The following PDE1A variants were observed in gnomAD, a reference collection of about 807,000 sequenced individuals.
PDE1A encodes the protein phosphodiesterase 1A.
In PDE1A, 35 loss-of-function variants were observed where a neutral mutation model predicts 61.7. The ratio of observed to expected loss-of-function variants is 0.57; its 90% CI spans 0.43 to 0.75. The LOEUF is 0.75. PDE1A is among the 30% of genes least tolerant of loss of function. The pLI, the probability that PDE1A is intolerant of heterozygous loss-of-function variation, is 0.00. For missense variants in PDE1A, 597 were observed against 630.6 expected (o/e 0.95, Z 0.57); for synonymous variants, 232 against 213.2 (o/e 1.09, Z -0.77).
At chr2:182,153,900 G>A (rs1690927845) in intron 13 of PDE1A, among the ~76,000 whole-genome samples, 1 of 152,104 alleles carries the variant, frequency 6.6e-6, no homozygotes, top group African/African-American at 2.4e-5. Flanking sequence ...TTACTTAATG[G>A]GTATAATGTA....
intron 13 of PDE1A, chr2:182,168,369 A>G (rs1384422081): frequency 7.8e-7 from 1 of 1,282,822 alleles, no homozygotes; most frequent in East Asian, 2.4e-5. Flanking sequence ...AGTAATTCTC[A>G]TTTATAATCA....
the PDE1A span, among the ~76,000 whole-genome samples, chr2:182,669,990 A>G: frequency 2.0e-5 from 3 of 152,210 alleles, no homozygotes; most frequent in Admixed American, 6.5e-5. Context: ...GCAGGTCATT[A>G]AGGGATGATG....
chr2:182,673,845 C>A, the PDE1A span, among the ~76,000 whole-genome samples: 1 of 151,618 alleles, frequency 6.6e-6, no homozygotes. Flanking sequence ...TTATACAAAT[C>A]AGCTCCTCTG....
chr2:182,169,938 ACTCTCC>A (rs1559132570), intron 13 of PDE1A, among the ~76,000 whole-genome samples: 1 of 92,686 alleles, frequency 1.1e-5, no homozygotes, highest in Non-Finnish European at 2.3e-5. Context: ...ACACACACAC[ACTCTCC>A]CTCTCTCTCT....
At chr2:182,686,682 G>C in the PDE1A span, among the ~76,000 whole-genome samples, 1 of 152,214 alleles carries the variant, frequency 6.6e-6, no homozygotes, top group African/African-American at 2.4e-5. Context: ...GACAGTGCAT[G>C]CAGGACAGTG....
chr2:182,550,354 T>C, the PDE1A span, among the ~76,000 whole-genome samples: 1 of 152,190 alleles, frequency 6.6e-6, no homozygotes, highest in Non-Finnish European at 1.5e-5. Context: ...TATTTGGTTA[T>C]TACAGCTGTA....
chr2:182,238,326 A>G (rs1310305211), intron 3 of PDE1A, among the ~76,000 whole-genome samples: 3 of 151,930 alleles, frequency 2.0e-5, no homozygotes, highest in Non-Finnish European at 2.9e-5. Flanking sequence ...TTTATATCCT[A>G]AAAACATCAC....
chr2:182,371,842 T>C (rs143910224), intron 1 of PDE1A, among the ~76,000 whole-genome samples: 1,906 of 152,346 alleles, frequency 0.013, 24 homozygotes, highest in South Asian at 0.048. Context: ...TGGAGTGCAG[T>C]GATGCCATCT....
intron 1 of PDE1A, among the ~76,000 whole-genome samples, chr2:182,388,813 A>C (rs2125373637): frequency 6.6e-6 from 1 of 152,164 alleles, no homozygotes; most frequent in South Asian, 2.1e-4. Context: ...ATCAGAACAA[A>C]AATGAAATAA....
chr2:182,452,801 A>G (rs1320289653), intron 2 of PDE1A, among the ~76,000 whole-genome samples: 4 of 152,144 alleles, frequency 2.6e-5, no homozygotes, highest in African/African-American at 9.7e-5. Flanking sequence ...AAGCCCTGCA[A>G]TGCCAGTGGT....
At chr2:182,715,656 C>A in the PDE1A span, among the ~76,000 whole-genome samples, 2 of 152,136 alleles carry the variant, frequency 1.3e-5, no homozygotes, top group Admixed American at 1.3e-4. Flanking sequence ...GAGAGAACAA[C>A]GATAACTCCC....
At chr2:182,648,715 A>T in the PDE1A span, among the ~76,000 whole-genome samples, 2 of 151,486 alleles carry the variant, frequency 1.3e-5, no homozygotes, top group Non-Finnish European at 2.9e-5. Context: ...AAAAAAAAAA[A>T]AAAAAATTCA....
At chr2:182,178,784 C>T (rs1398548850) in intron 13 of PDE1A, among the ~76,000 whole-genome samples, 1 of 151,892 alleles carries the variant, frequency 6.6e-6, no homozygotes, top group Non-Finnish European at 1.5e-5. Flanking sequence ...CTGAGAAGTA[C>T]AATGAGAAGG....
chr2:182,252,486 T>C (rs542731926), intron 2 of PDE1A, among the ~76,000 whole-genome samples: 7 of 152,056 alleles, frequency 4.6e-5, no homozygotes, highest in African/African-American at 1.4e-4. Flanking sequence ...GAAAAGATAA[T>C]AGAAGAATAT....
intron 2 of PDE1A, among the ~76,000 whole-genome samples, chr2:182,248,266 A>G (rs918278287): frequency 1.3e-5 from 2 of 151,116 alleles, no homozygotes; most frequent in African/African-American, 2.5e-5. Context: ...AAAAAAAAAA[A>G]AAGAAAAAAG....
At chr2:182,666,784 T>C in the PDE1A span, among the ~76,000 whole-genome samples, 1 of 152,212 alleles carries the variant, frequency 6.6e-6, no homozygotes, top group Non-Finnish European at 1.5e-5. Flanking sequence ...GTCTATCACC[T>C]GGCCACCATA....
chr2:182,332,618 T>A (rs1028645310), intron 1 of PDE1A, among the ~76,000 whole-genome samples: 1 of 152,176 alleles, frequency 6.6e-6, no homozygotes, highest in Non-Finnish European at 1.5e-5. Flanking sequence ...GCAGGTCTGC[T>A]GGAGTTTGCT....
intron 2 of PDE1A, among the ~76,000 whole-genome samples, chr2:182,240,641 G>A (rs1166549502): frequency 6.6e-6 from 1 of 152,150 alleles, no homozygotes; most frequent in Non-Finnish European, 1.5e-5. Context: ...TTCATAAACA[G>A]ATGTCTGCTA....
At chr2:182,426,504 C>T in intron 1 of PDE1A, 74 bp downstream of exon 1, 2 of 1,077,838 alleles carry the variant, frequency 1.9e-6, no homozygotes, top group Non-Finnish European at 2.9e-6. Context: ...TGGCAGAATC[C>T]CCAAATTAAG....
Sources: allele counts gnomAD v4.1 joint callset (sites outside exome capture counted in the v4.1 genomes callset), GRCh38; gene constraint gnomAD v4.1.1; transcripts MANE v1.5; gene names NCBI Gene and HGNC (gene_info 2026-07-23, HGNC 2026-07-21).